Variants in FOCAD observed in about 807,000 individuals in gnomAD.
The protein encoded by FOCAD is KIAA1797.
FOCAD carries 198 observed loss-of-function variants against 225.6 expected under a neutral mutation model. The ratio of observed to expected loss-of-function variants is 0.88; its 90% CI spans 0.78 to 0.99. The LOEUF (loss-of-function observed/expected upper bound fraction) is 0.99, where lower values mean the gene tolerates loss of function less well. FOCAD is among the 50% of genes least tolerant of loss of function. FOCAD has a pLI of 0.00. For missense variants in FOCAD, 2,713 were observed against 2,123.6 expected, an observed-to-expected ratio of 1.28 and a Z score of -5.46; for synonymous variants, 897 against 755.0, an observed-to-expected ratio of 1.19 and a Z score of -3.08.
At chr9:20,743,109 A>G (rs1827763925) in intron 5 of FOCAD, among the ~76,000 whole-genome samples, 1 of 152,192 alleles carries the variant, frequency 6.6e-6, no homozygotes, top group South Asian at 2.1e-4. Context: ...GTCAATCATA[A>G]AATTGTCATG....
intron 37 of FOCAD, among the ~76,000 whole-genome samples, chr9:20,979,348 G>T (rs995244681): frequency 6.6e-6 from 1 of 151,968 alleles, no homozygotes; most frequent in Non-Finnish European, 1.5e-5. Flanking sequence ...TTTTTTTGTT[G>T]TTGTTTTTGA....
chr9:20,764,456 G>A (rs868380273), intron 6 of FOCAD, among the ~76,000 whole-genome samples: 2 of 152,172 alleles, frequency 1.3e-5, no homozygotes, highest in Non-Finnish European at 2.9e-5. Flanking sequence ...GTTTCACCAT[G>A]TTGGCCAGGA....
intron 15 of FOCAD, among the ~76,000 whole-genome samples, chr9:20,832,327 C>A (rs1291263608): frequency 6.6e-6 from 1 of 151,972 alleles, no homozygotes; most frequent in Non-Finnish European, 1.5e-5. Context: ...CTGTTCTCCC[C>A]AAATAAGTCA....
At chr9:20,874,653 T>C in intron 18 of FOCAD, 28 bp from the exon 19 acceptor site, 4 of 1,609,188 alleles carry the variant, frequency 2.5e-6, no homozygotes, top group Middle Eastern at 1.7e-4. Flanking sequence ...TATTATCCTC[T>C]CTATGATCTT....
chr9:20,655,834 G>C (rs1035714991), upstream of FOCAD, among the ~76,000 whole-genome samples: 1 of 151,828 alleles, frequency 6.6e-6, no homozygotes, highest in African/African-American at 2.4e-5. Context: ...GAATGTGTTT[G>C]CTCTTGCCTT....
intron 24 of FOCAD, among the ~76,000 whole-genome samples, chr9:20,923,380 T>A (rs2132142370): frequency 6.6e-6 from 1 of 152,206 alleles, no homozygotes; most frequent in Non-Finnish European, 1.5e-5. Flanking sequence ...ATAGATGAAA[T>A]AAAAATTTAG....
At chr9:20,842,822 T>G (rs1440358457) in intron 15 of FOCAD, among the ~76,000 whole-genome samples, 2 of 152,030 alleles carry the variant, frequency 1.3e-5, no homozygotes, top group Non-Finnish European at 2.9e-5. Context: ...TTCTTCTTTG[T>G]GAAAGTGATT....
At chr9:20,895,204 C>G (rs973185972) in intron 21 of FOCAD, among the ~76,000 whole-genome samples, 2 of 151,996 alleles carry the variant, frequency 1.3e-5, no homozygotes, top group African/African-American at 4.8e-5. Flanking sequence ...TCATACCATG[C>G]TGTCTTGATT....
chr9:20,806,244 A>G (rs770894566), intron 11 of FOCAD, among the ~76,000 whole-genome samples: 4 of 152,222 alleles, frequency 2.6e-5, no homozygotes, highest in Non-Finnish European at 5.9e-5. Flanking sequence ...GCTGATGGGT[A>G]CTATTTAAAT....
At chr9:20,813,566 A>T (rs1564022411) in intron 11 of FOCAD, among the ~76,000 whole-genome samples, 1 of 152,116 alleles carries the variant, frequency 6.6e-6, no homozygotes, top group Non-Finnish European at 1.5e-5. Flanking sequence ...GTGACATCTC[A>T]TTATGGTTCT....
intron 4 of FOCAD, among the ~76,000 whole-genome samples, chr9:20,727,322 C>T (rs1826280890): frequency 6.6e-6 from 1 of 152,102 alleles, no homozygotes; most frequent in Non-Finnish European, 1.5e-5. Context: ...AAGGCTTTGT[C>T]ACAAAATCTT....
At chr9:20,743,185 A>T (rs1288152131) in intron 5 of FOCAD, among the ~76,000 whole-genome samples, 1 of 152,194 alleles carries the variant, frequency 6.6e-6, no homozygotes, top group South Asian at 2.1e-4. Context: ...GAGGCAACTG[A>T]TGAGCTGTGT....
At chr9:20,946,607 T>TG (rs939208077) in intron 29 of FOCAD, 94 bp from the exon 30 acceptor site, 17 of 1,375,484 alleles carry the variant, frequency 1.2e-5, no homozygotes, top group African/African-American at 5.9e-5. Context: ...ATTCTTACTC[T>TG]GGGGGGGAGT....
chr9:20,799,901 T>A (rs1453135033), intron 11 of FOCAD, among the ~76,000 whole-genome samples: 6 of 152,264 alleles, frequency 3.9e-5, no homozygotes, highest in African/African-American at 1.4e-4. Flanking sequence ...TGATGTTAGC[T>A]GGTTATTTTG....
At position 20,823,046 on chromosome 9, in the gene FOCAD, C is replaced by T; in HGVS notation, c.1851C>T (p.Cys617=). The part of the protein sequence containing the change: ...LAAISQVLNE[C]TKPDQATPAA... ...CTATTTCTCAAGTGTTGAATGAATGCACCAAGCCTGATCAAGCTACTCCAG... is the reference window on the plus strand; with the variant it reads ...CTATTTCTCAAGTGTTGAATGAATGTACCAAGCCTGATCAAGCTACTCCAG... The change falls in exon 15 of 44, where the codon TGC becomes TGT. Residue 617 remains cysteine (C), a synonymous_variant. Coordinates refer to ENST00000338382, the MANE Select transcript of FOCAD (RefSeq NM_001375567.1). 1 of 1,609,818 alleles carries T rather than the reference C, an allele frequency of 6.2e-7. No homozygotes were observed. The highest frequency in any genetic ancestry group is 8.5e-7 in the Non-Finnish European group (1 of 1,178,184).
chr9:20,929,821 T>C (rs1220022505), intron 27 of FOCAD, among the ~76,000 whole-genome samples: 1 of 152,190 alleles, frequency 6.6e-6, no homozygotes, highest in African/African-American at 2.4e-5. Flanking sequence ...AGTATTAAAG[T>C]GTTTGGTTAC....
chr9:20,664,270 A>G (rs534917249), intron 2 of FOCAD, among the ~76,000 whole-genome samples: 21 of 150,314 alleles, frequency 1.4e-4, no homozygotes, highest in African/African-American at 4.2e-4. Flanking sequence ...AAGGTTGACT[A>G]AGTGATCTGA....
chr9:20,857,826 T>G (rs1358811653), intron 15 of FOCAD, among the ~76,000 whole-genome samples: 2 of 149,882 alleles, frequency 1.3e-5, no homozygotes, highest in Non-Finnish European at 3.0e-5. Flanking sequence ...TTTTATTGAG[T>G]TCTTTTTCAG....
chr9:20,811,457 A>G (rs1823068023), intron 11 of FOCAD, among the ~76,000 whole-genome samples: 1 of 152,106 alleles, frequency 6.6e-6, no homozygotes, highest in South Asian at 2.1e-4. Context: ...GGCTAGAGTG[A>G]TATATCACTA....
Sources: allele counts gnomAD v4.1 joint callset (sites outside exome capture counted in the v4.1 genomes callset), GRCh38; gene constraint gnomAD v4.1.1; transcripts MANE v1.5; gene names NCBI Gene and HGNC (gene_info 2026-07-23, HGNC 2026-07-21).